DLGAP1: variants seen among roughly 807,000 people sequenced by gnomAD.
The protein encoded by DLGAP1 is DLG associated protein 1, also known as disks large-associated protein 1.
In DLGAP1, 11 loss-of-function variants were observed where a neutral mutation model predicts 90.8. That is an observed-to-expected ratio of 0.12 (90% CI 0.08 to 0.20). The LOEUF is 0.20. Among genes scored for constraint, DLGAP1 ranks in the 10% least tolerant of loss-of-function variants. The pLI, the probability that DLGAP1 is intolerant of heterozygous loss-of-function variation, is 1.00. For missense variants in DLGAP1, 1,050 were observed against 1,333.8 expected (o/e 0.79, Z 3.31); for synonymous variants, 558 against 540.7 (o/e 1.03, Z -0.44).
chr18:3,527,632 C>G (rs1337422928), intron 10 of DLGAP1, among the ~76,000 whole-genome samples: 1 of 151,414 alleles, frequency 6.6e-6, no homozygotes, highest in African/African-American at 2.4e-5. Flanking sequence ...CCTCTGTCTC[C>G]CAGGCTGGAG....
intron 7 of DLGAP1, among the ~76,000 whole-genome samples, chr18:3,654,318 T>C (rs2059410522): frequency 6.6e-6 from 1 of 152,132 alleles, no homozygotes; most frequent in Non-Finnish European, 1.5e-5. Flanking sequence ...CAAACTCTCA[T>C]CTTTCTGGAG....
intron 10 of DLGAP1, among the ~76,000 whole-genome samples, chr18:3,521,726 G>C (rs533071185): frequency 6.6e-6 from 1 of 152,032 alleles, no homozygotes; most frequent in Non-Finnish European, 1.5e-5. Flanking sequence ...TCAGATTTCC[G>C]ACCAGAATGT....
chr18:3,674,207 T>C (rs1415511734), intron 7 of DLGAP1, among the ~76,000 whole-genome samples: 2 of 151,170 alleles, frequency 1.3e-5, no homozygotes, highest in Non-Finnish European at 2.9e-5. Context: ...TCCCAGCACT[T>C]TGGGAAGCAG....
At chr18:3,941,798 C>T (rs923802023) in intron 3 of DLGAP1, among the ~76,000 whole-genome samples, 5 of 152,132 alleles carry the variant, frequency 3.3e-5, no homozygotes. Context: ...CTGCAGCCTC[C>T]ACCTCCCAGG....
rs189759303 is a variant in DLGAP1 at position 4,198,097 on chromosome 18, G to A, written c.-266-46810C>T. Among the ~76,000 whole-genome samples, 153 of 152,138 alleles carry A rather than the reference G, an allele frequency of 1.0e-3. 1 individual carries two copies. Among genetic ancestry groups the A allele is most frequent in the African/African-American group, 3.2e-3 (133 of 41,494 alleles). On this transcript the variant is annotated intron_variant, in intron 1 of 12. Coordinates refer to ENST00000315677, the MANE Select transcript of DLGAP1 (RefSeq NM_004746.4). ...AATCAGCCGGGGCGTGGTGGTGGGCGCCTGTACTCCCAGCTACTCTGGAGG... is the reference window on the plus strand; with the variant it reads ...AATCAGCCGGGGCGTGGTGGTGGGCACCTGTACTCCCAGCTACTCTGGAGG...
chr18:3,622,278 G>T (rs548129314), intron 7 of DLGAP1, among the ~76,000 whole-genome samples: 6 of 151,942 alleles, frequency 3.9e-5, no homozygotes, highest in South Asian at 2.1e-4. Flanking sequence ...CTAATTTTTT[G>T]TATTTTTTAG....
chr18:4,240,024 T>C (rs1441817435), intron 1 of DLGAP1, among the ~76,000 whole-genome samples: 3 of 152,174 alleles, frequency 2.0e-5, no homozygotes, highest in Non-Finnish European at 4.4e-5. Context: ...GTCAAGTTAG[T>C]CCTCCAAAGA....
intron 7 of DLGAP1, among the ~76,000 whole-genome samples, chr18:3,599,054 G>A (rs934365773): frequency 1.3e-5 from 2 of 152,210 alleles, no homozygotes; most frequent in African/African-American, 4.8e-5. Flanking sequence ...GATTACAGGC[G>A]TGAGCCACTG....
chr18:4,212,055 T>C lies in DLGAP1; in HGVS notation c.-266-60768A>G, dbSNP rs151230983. On this transcript the variant is annotated intron_variant, in intron 1 of 12. Coordinates refer to ENST00000315677, the MANE Select transcript of DLGAP1 (RefSeq NM_004746.4). ...CCACACTTCATACATACAGTTTCTTTTTGCAGAAACAGGTATTCCCAATAG... is the reference window on the plus strand; with the variant it reads ...CCACACTTCATACATACAGTTTCTTCTTGCAGAAACAGGTATTCCCAATAG... Among the ~76,000 whole-genome samples, 107 of 152,274 alleles carry C rather than the reference T, an allele frequency of 7.0e-4. 6 individuals are homozygous for C. Among genetic ancestry groups the C allele is most frequent in the South Asian group, 6.4e-3 (31 of 4,828 alleles).
intron 2 of DLGAP1, among the ~76,000 whole-genome samples, chr18:4,033,779 A>G (rs1018178785): frequency 3.4e-4 from 50 of 145,024 alleles, no homozygotes; most frequent in African/African-American, 1.3e-3. Flanking sequence ...TCGCTCTGTC[A>G]CCCAGGCTGG....
At chr18:4,448,112 T>C (rs1401375419) in intron 1 of DLGAP1, among the ~76,000 whole-genome samples, 3 of 152,180 alleles carry the variant, frequency 2.0e-5, no homozygotes, top group African/African-American at 7.2e-5. Context: ...CTTCTTCCTA[T>C]GTAAGTCTTA....
At chr18:3,905,448 G>C (rs766976521) in intron 3 of DLGAP1, among the ~76,000 whole-genome samples, 5 of 150,646 alleles carry the variant, frequency 3.3e-5, no homozygotes, top group African/African-American at 4.9e-5. Flanking sequence ...AAGAGAATTG[G>C]GAAGTCACCC....
chr18:3,500,023 A>G (rs1400309598), intron 12 of DLGAP1, among the ~76,000 whole-genome samples: 5 of 152,212 alleles, frequency 3.3e-5, no homozygotes, highest in Non-Finnish European at 4.4e-5. Flanking sequence ...GGGTCACGGG[A>G]GAGGGAGGCC....
Position 4,171,666 on chromosome 18 carries a change from C to T in DLGAP1, c.-266-20379G>A, listed in dbSNP as rs571311474. ...GAATACATGATTTCAGGAAATGATT[C>T]AAAGTTATTTTCTAAAATAAATTTT... On this transcript the variant is annotated intron_variant, in intron 1 of 12. Coordinates refer to ENST00000315677, the MANE Select transcript of DLGAP1 (RefSeq NM_004746.4). 2.0e-4 allele frequency among the ~76,000 whole-genome samples: 31 copies of T among 151,962 alleles called. 1 individual carries two copies. In the South Asian group the frequency reaches 5.4e-3, roughly 27 times the overall value.
intron 1 of DLGAP1, among the ~76,000 whole-genome samples, chr18:4,352,531 A>G (rs911992453): frequency 2.0e-5 from 3 of 152,138 alleles, no homozygotes; most frequent in African/African-American, 7.2e-5. Context: ...CTGTAAACAA[A>G]GATAAATGTC....
intron 10 of DLGAP1, among the ~76,000 whole-genome samples, chr18:3,510,302 T>C (rs1331442286): frequency 1.3e-5 from 2 of 152,236 alleles, no homozygotes; most frequent in East Asian, 3.8e-4. Flanking sequence ...GTTAGTGTAT[T>C]TGAATTGCTT....
chr18:3,977,598 C>T (rs2073621506), intron 3 of DLGAP1: 1 of 214,012 alleles, frequency 4.7e-6, no homozygotes, highest in Admixed American at 5.8e-5. Context: ...GACTCCCCCT[C>T]TCTCTTCCTC....
chr18:4,351,662 T>C (rs1232313244), intron 1 of DLGAP1, among the ~76,000 whole-genome samples: 5 of 152,212 alleles, frequency 3.3e-5, no homozygotes, highest in East Asian at 1.9e-4. Flanking sequence ...CTGTCCAACA[T>C]AGATAAATCT....
At position 3,729,367 on chromosome 18, in the gene DLGAP1, C is replaced by T. The variant is rs1324596162; in HGVS notation, c.1359G>A (p.Glu453=). ...RAMSTISQVS[E]MEVNGQFESV... The stretch of plus-strand genomic sequence containing the variant: ...ACTCGAACTGCCCGTTCACTTCCAT[C>T]TCGCTCACCTGCGGGCAGACACAGG... Residue 453 remains glutamate, a synonymous_variant, in exon 7 of 13, where the codon GAG becomes GAA. Coordinates refer to ENST00000315677, the MANE Select transcript of DLGAP1 (RefSeq NM_004746.4). The surrounding 1 kb of genome is among the most constrained non-coding windows in gnomAD (Gnocchi z 6.2). 6.2e-7 allele frequency: 1 copy of T among 1,611,592 alleles called. No homozygotes were observed. The highest frequency in any genetic ancestry group is 8.5e-7 in the Non-Finnish European group (1 of 1,178,172).
Sources: allele counts gnomAD v4.1 joint callset (sites outside exome capture counted in the v4.1 genomes callset), GRCh38; gene constraint gnomAD v4.1.1; non-coding constraint Gnocchi (gnomAD v3.1); transcripts MANE v1.5; gene names NCBI Gene and HGNC (gene_info 2026-07-23, HGNC 2026-07-21).